Variants in RBPJ observed in about 807,000 individuals in gnomAD.
RBPJ encodes the protein recombination signal binding protein for immunoglobulin kappa J region.
Under a neutral mutation model 67.8 loss-of-function variants are expected in RBPJ, and 9 were observed. That is an observed-to-expected ratio of 0.13 (90% CI 0.08 to 0.23). The LOEUF is 0.23. Among genes scored for constraint, RBPJ ranks in the 10% least tolerant of loss-of-function variants. RBPJ has a pLI of 1.00. For missense variants in RBPJ, 305 were observed against 595.6 expected, an observed-to-expected ratio of 0.51 and a Z score of 5.08; for synonymous variants, 198 against 203.3, an observed-to-expected ratio of 0.97 and a Z score of 0.22.
At chr4:26,349,276 T>G (rs1726546415) in intron 1 of RBPJ, among the ~76,000 whole-genome samples, 1 of 152,116 alleles carries the variant, frequency 6.6e-6, no homozygotes, top group Non-Finnish European at 1.5e-5. Flanking sequence ...CTCGCTATGT[T>G]GCCCAGGCTG....
Position 26,430,996 on chromosome 4 carries a change from G to T in RBPJ, c.1453G>T (p.Val485Leu). ...CAGTGTCACATCATCTACAGCCACA[G>T]TGGTATCCTAACTACCGTCTTTTTG... ...STSVTSSTAT[V>L]VS Residue 485 changes from valine (V) to leucine (L), a missense_variant, in exon 11 of 11, where the codon GTG becomes TTG. Val to Leu is a conservative substitution (Grantham distance 32). This residue lies in a region of RBPJ where 51 missense variants were observed against 52.8 expected (regional missense o/e 0.97). Coordinates refer to ENST00000355476, the MANE Select transcript of RBPJ (RefSeq NM_015874.6). The surrounding 1 kb of genome is among the most constrained non-coding windows in gnomAD (Gnocchi z 4.1). 6.2e-7 allele frequency: 1 copy of T among 1,613,316 alleles called. No individual in the cohort carries two copies. Among genetic ancestry groups the T allele is most frequent in the East Asian group, 2.2e-5 (1 of 44,868 alleles).
chr4:26,257,578 A>G (rs1437824205), intron 1 of RBPJ, among the ~76,000 whole-genome samples: 1 of 152,204 alleles, frequency 6.6e-6, no homozygotes, highest in Non-Finnish European at 1.5e-5. Flanking sequence ...GCAGTGAGCC[A>G]AGACTGTGCC....
chr4:26,244,279 GTGTATATGTA>G (rs1719793176), intron 1 of RBPJ, among the ~76,000 whole-genome samples: 1 of 103,650 alleles, frequency 9.6e-6, no homozygotes, highest in African/African-American at 4.4e-5. Flanking sequence ...ACATATATGT[GTGTATATGTA>G]TACACATATG....
In RBPJ at chr4:26,340,688, T is replaced by G. The variant is rs112370843; in HGVS notation, c.20+19640T>G. Among the ~76,000 whole-genome samples, 168 of 151,938 alleles carry G rather than the reference T, an allele frequency of 1.1e-3. 2 individuals are homozygous for G. The highest frequency in any genetic ancestry group is 2.1e-3 in the Non-Finnish European group (144 of 67,946). Reference sequence around the variant, plus strand: ...TCTTGGCCAACATGGTGAAACCCCGTCTCTACTAAAAATATAATAAATTAG... The same window carrying G: ...TCTTGGCCAACATGGTGAAACCCCGGCTCTACTAAAAATATAATAAATTAG... On this transcript the variant is annotated intron_variant, in intron 1 of 10. Transcript: ENST00000355476.
chr4:26,342,630 G>A (rs1487758929), intron 1 of RBPJ, among the ~76,000 whole-genome samples: 1 of 152,186 alleles, frequency 6.6e-6, no homozygotes, highest in Non-Finnish European at 1.5e-5. Context: ...TTATAGATCT[G>A]AGGCAGGAGA....
chr4:26,189,238 ATAATT>A (rs1318637533), intron 1 of RBPJ, among the ~76,000 whole-genome samples: 1 of 152,166 alleles, frequency 6.6e-6, no homozygotes, highest in Non-Finnish European at 1.5e-5. Context: ...CAAATCATAA[ATAATT>A]TTATTAGCCC....
At chr4:26,144,762 C>G in the RBPJ span, among the ~76,000 whole-genome samples, 19 of 152,166 alleles carry the variant, frequency 1.2e-4, no homozygotes, top group African/African-American at 3.4e-4. Flanking sequence ...TTGATCTAGT[C>G]CCACATGCAA....
At chr4:26,132,417 G>A in the RBPJ span, among the ~76,000 whole-genome samples, 1 of 152,054 alleles carries the variant, frequency 6.6e-6, no homozygotes, top group Non-Finnish European at 1.5e-5. Flanking sequence ...GTGCCCACCT[G>A]AGCTCCCTTC....
chr4:26,185,444 G>C (rs1181925894), intron 1 of RBPJ, among the ~76,000 whole-genome samples: 3 of 152,196 alleles, frequency 2.0e-5, no homozygotes, highest in Non-Finnish European at 2.9e-5. Flanking sequence ...GAAATCGTAA[G>C]AGCATTTTGC....
At chr4:26,367,124 CA>C (rs1284942224) in intron 1 of RBPJ, among the ~76,000 whole-genome samples, 1 of 151,008 alleles carries the variant, frequency 6.6e-6, no homozygotes, top group African/African-American at 2.4e-5. Context: ...GACTCTGTTT[CA>C]AAAAAATAAA....
At chr4:26,419,550 C>CT (rs1734921414) in intron 4 of RBPJ, among the ~76,000 whole-genome samples, 1 of 152,070 alleles carries the variant, frequency 6.6e-6, no homozygotes, top group Non-Finnish European at 1.5e-5. Flanking sequence ...ATTTGCTCTG[C>CT]TTTTTAAAAG....
chr4:26,140,605 G>A, the RBPJ span, among the ~76,000 whole-genome samples: 6 of 150,154 alleles, frequency 4.0e-5, no homozygotes, highest in Non-Finnish European at 7.4e-5. Flanking sequence ...TGCCCTGGAA[G>A]CTCAAGCCAA....
intron 1 of RBPJ, among the ~76,000 whole-genome samples, chr4:26,209,346 G>C (rs868757990): frequency 6.6e-6 from 1 of 152,170 alleles, no homozygotes; most frequent in African/African-American, 2.4e-5. Flanking sequence ...ACCCAGGTTT[G>C]CCTAAAATAC....
chr4:26,420,194 GA>G, intron 4 of RBPJ, among the ~76,000 whole-genome samples: 1 of 151,674 alleles, frequency 6.6e-6, no homozygotes, highest in Non-Finnish European at 1.5e-5. Flanking sequence ...GAAAGTCATT[GA>G]TTTTTTTTAA....
intron 1 of RBPJ, among the ~76,000 whole-genome samples, chr4:26,221,885 C>A (rs1483913979): frequency 1.3e-5 from 2 of 152,324 alleles, no homozygotes; most frequent in African/African-American, 4.8e-5. Context: ...TGTGTCCCCA[C>A]TCCCAATGTG....
chr4:26,396,015 A>G lies in RBPJ; in HGVS notation c.59+9624A>G, dbSNP rs528660341. 9.2e-5 allele frequency among the ~76,000 whole-genome samples: 14 copies of G among 152,314 alleles called. No homozygotes were observed. In the South Asian group the frequency reaches 1.7e-3, roughly 18 times the overall value. On this transcript the variant is annotated intron_variant, in intron 2 of 10. Coordinates refer to ENST00000355476, the MANE Select transcript of RBPJ (RefSeq NM_015874.6). ...TTATGATTCATCTCCTCACTTTGAG[A>G]CAGGAGAGCATCCATTTTAAATTGT...
At chr4:26,325,058 A>G (rs1417568024) in intron 1 of RBPJ, among the ~76,000 whole-genome samples, 1 of 152,202 alleles carries the variant, frequency 6.6e-6, no homozygotes, top group Non-Finnish European at 1.5e-5. Flanking sequence ...GTATTGACTG[A>G]ATGAAACCTG....
At chr4:26,226,918 A>G (rs1004313247) in intron 1 of RBPJ, among the ~76,000 whole-genome samples, 19 of 152,198 alleles carry the variant, frequency 1.2e-4, no homozygotes, top group Non-Finnish European at 2.5e-4. Context: ...TGGGGAAGGC[A>G]CTTCAAAGAC....
intron 5 of RBPJ, chr4:26,420,985 T>G: frequency 2.5e-6 from 1 of 405,182 alleles, no homozygotes; most frequent in South Asian, 3.3e-5. Flanking sequence ...GTTGTTACAG[T>G]GACTGGAGGG....
Sources: allele counts gnomAD v4.1 joint callset (sites outside exome capture counted in the v4.1 genomes callset), GRCh38; gene constraint gnomAD v4.1.1; regional missense constraint gnomAD v4.1.1; non-coding constraint Gnocchi (gnomAD v3.1); transcripts MANE v1.5; gene names NCBI Gene and HGNC (gene_info 2026-07-23, HGNC 2026-07-21).